CLECL1: variants seen among roughly 807,000 people sequenced by gnomAD.
CLECL1 encodes the protein C-type lectin like 1, also known as C-type lectin-like domain family 1.
chr12:9,729,008 A>G (rs1304424253), intron 2 of CLECL1, among the ~76,000 whole-genome samples: 3 of 152,026 alleles, frequency 2.0e-5, no homozygotes, highest in Non-Finnish European at 1.5e-5. Flanking sequence ...TATAATCTGT[A>G]TATCATCTCT....
At chr12:9,730,616 T>G (rs781490188) in intron 1 of CLECL1, among the ~76,000 whole-genome samples, 11 of 152,122 alleles carry the variant, frequency 7.2e-5, no homozygotes, top group Non-Finnish European at 1.0e-4. Context: ...GACAAAACAG[T>G]CAAAATTGTG....
the CLECL1 span, among the ~76,000 whole-genome samples, chr12:9,707,800 G>A: frequency 0.021 from 3,165 of 152,210 alleles, 111 homozygotes; most frequent in African/African-American, 0.073. Flanking sequence ...TTTTCTCTTT[G>A]TCTCTTTTCT....
chr12:9,727,072 A>G (rs1866388863), intron 3 of CLECL1, among the ~76,000 whole-genome samples: 2 of 151,766 alleles, frequency 1.3e-5, no homozygotes, highest in African/African-American at 4.8e-5. Flanking sequence ...ATGTAAATTA[A>G]AAAATTAAAA....
rs1270702588 is a variant in CLECL1, at chr12:9,732,882, TA to T, written n.82+66del. 3.0e-6 allele frequency: 4 copies of T among 1,314,902 alleles called. No individual in the cohort carries two copies. In the East Asian group the frequency reaches 9.3e-5, roughly 31 times the overall value. 81.5% of individuals were successfully genotyped at this position (1,314,902 alleles called of 1,614,324 possible). On this transcript the variant is annotated intron_variant and non_coding_transcript_variant, in intron 1 of 3. Coordinates refer to ENST00000621400, the Ensembl canonical transcript of CLECL1. ...CTTTTCAGTTTGGCAATTAGATACA[TA>T]AGAAAGAAATAAAGGAGATAACTAG...
At chr12:9,729,603 G>T (rs1440992951) in exon 2 of CLECL1, among the ~76,000 whole-genome samples, 1 of 151,984 alleles carries the variant, frequency 6.6e-6, no homozygotes, top group Non-Finnish European at 1.5e-5. Context: ...AAAATATTCA[G>T]TACAATTACT....
At chr12:9,732,718 A>C (rs1450408211) in intron 1 of CLECL1, among the ~76,000 whole-genome samples, 1 of 152,222 alleles carries the variant, frequency 6.6e-6, no homozygotes, top group Admixed American at 6.5e-5. Context: ...AGAAATAGAA[A>C]GGCTATGAAA....
the CLECL1 span, among the ~76,000 whole-genome samples, chr12:9,710,147 CTG>C: frequency 6.6e-6 from 1 of 152,168 alleles, no homozygotes; most frequent in East Asian, 1.9e-4. Context: ...CTTCTTATGT[CTG>C]TAATATTTGG....
At chr12:9,708,860 C>T in the CLECL1 span, 1 of 257,146 alleles carries the variant, frequency 3.9e-6, no homozygotes, top group Non-Finnish European at 7.3e-6. Context: ...ACCTCTGTTC[C>T]CTGTCTTTCA....
At chr12:9,728,756 A>G (rs1410626158) in intron 2 of CLECL1, among the ~76,000 whole-genome samples, 1 of 151,946 alleles carries the variant, frequency 6.6e-6, no homozygotes, top group African/African-American at 2.4e-5. Context: ...GCCATTGGCT[A>G]GTTACATTAA....
At chr12:9,708,054 G>T in the CLECL1 span, among the ~76,000 whole-genome samples, 4 of 152,124 alleles carry the variant, frequency 2.6e-5, no homozygotes, top group African/African-American at 9.7e-5. Flanking sequence ...CCCACAGCAG[G>T]CAAAGGCCAA....
chr12:9,724,480 A>T (rs1000933531), intron 3 of CLECL1, among the ~76,000 whole-genome samples: 4 of 152,208 alleles, frequency 2.6e-5, no homozygotes, highest in Admixed American at 2.6e-4. Flanking sequence ...ATGCTTTCAA[A>T]CGATGAAAAA....
upstream of CLECL1, among the ~76,000 whole-genome samples, chr12:9,734,263 C>T (rs752002824): frequency 6.6e-6 from 1 of 152,274 alleles, no homozygotes; most frequent in East Asian, 1.9e-4. Context: ...ATTTAGGGAT[C>T]CCTCCTATAA....
chr12:9,722,630 A>T (rs201336909), downstream of CLECL1: 166 of 1,605,506 alleles, frequency 1.0e-4, no homozygotes, highest in Admixed American at 2.2e-4. Context: ...TCACCTCTAA[A>T]TGTTAAATCT....
At chr12:9,717,047 AC>A (rs1866246341) in intron 2 of CLECL1, among the ~76,000 whole-genome samples, 1 of 152,144 alleles carries the variant, frequency 6.6e-6, no homozygotes, top group Admixed American at 6.5e-5. Flanking sequence ...CCATCCCTCT[AC>A]CCAGCAAGTC....
intron 2 of CLECL1, among the ~76,000 whole-genome samples, chr12:9,728,043 GGTT>G: frequency 1.3e-5 from 2 of 151,784 alleles, no homozygotes; most frequent in African/African-American, 4.8e-5. Flanking sequence ...GGTGTCACCT[GGTT>G]GATGTTTTGT....
intron 1 of CLECL1, among the ~76,000 whole-genome samples, chr12:9,730,264 G>T (rs1460668408): frequency 1.3e-5 from 2 of 152,132 alleles, no homozygotes; most frequent in Non-Finnish European, 2.9e-5. Context: ...ACTTCTCATT[G>T]CATTTGAAGT....
chr12:9,732,407 C>T (rs916427866), intron 1 of CLECL1, among the ~76,000 whole-genome samples: 5 of 152,186 alleles, frequency 3.3e-5, no homozygotes, highest in Admixed American at 1.3e-4. Context: ...TAAGTTTAGG[C>T]ATATGCTTAT....
At chr12:9,704,070 A>C in the CLECL1 span, 7 of 152,344 alleles carry the variant, frequency 4.6e-5, no homozygotes, top group Admixed American at 2.0e-4. Flanking sequence ...CAATGTGTTA[A>C]CATTTATTTT....
At chr12:9,708,028 C>T in the CLECL1 span, among the ~76,000 whole-genome samples, 3 of 152,304 alleles carry the variant, frequency 2.0e-5, no homozygotes, top group South Asian at 4.2e-4. Context: ...CCTCCCACTT[C>T]GGGTGCCTGG....
Sources: allele counts gnomAD v4.1 joint callset (sites outside exome capture counted in the v4.1 genomes callset), GRCh38; gene constraint gnomAD v4.1.1; transcripts MANE v1.5; gene names NCBI Gene and HGNC (gene_info 2026-07-23, HGNC 2026-07-21).